The following CLIP1 variants were observed in gnomAD, a reference collection of about 807,000 sequenced individuals.
CLIP1 encodes the protein CAP-Gly domain containing linker protein 1.
Under a neutral mutation model 161.6 loss-of-function variants are expected in CLIP1, and 66 were observed. The observed-to-expected ratio is 0.41, with a 90% CI of 0.33 to 0.50. The LOEUF (loss-of-function observed/expected upper bound fraction) is 0.50, where lower values mean the gene tolerates loss of function less well. Ranked by LOEUF, CLIP1 falls within the 20% of genes least tolerant of loss-of-function variation. The pLI is 0.27. For synonymous variants in CLIP1, 598 were observed against 626.2 expected, an observed-to-expected ratio of 0.96 and a Z score of 0.67; for missense variants, 1,376 against 1,702.0, an observed-to-expected ratio of 0.81 and a Z score of 3.37.
intron 6 of CLIP1, 101 bp from the exon 7 acceptor site, chr12:122,354,657 G>A (rs1953241513): frequency 6.9e-6 from 6 of 870,116 alleles, no homozygotes; most frequent in African/African-American, 3.3e-5. Context: ...GTGGGTGGGC[G>A]TTACTCTAAA....
chr12:122,287,003 A>C (rs1352747735), intron 21 of CLIP1, among the ~76,000 whole-genome samples: 1 of 151,906 alleles, frequency 6.6e-6, no homozygotes, highest in Non-Finnish European at 1.5e-5. Context: ...GCCTCAAAAA[A>C]CAAACAAACA....
At chr12:122,371,212 A>G (rs1387934229) in intron 3 of CLIP1, among the ~76,000 whole-genome samples, 1 of 152,140 alleles carries the variant, frequency 6.6e-6, no homozygotes, top group Non-Finnish European at 1.5e-5. Flanking sequence ...ATCCAGTAAT[A>G]AGACAACACT....
intron 3 of CLIP1, among the ~76,000 whole-genome samples, chr12:122,372,256 A>G (rs898420326): frequency 5.3e-5 from 8 of 152,144 alleles, no homozygotes; most frequent in African/African-American, 1.9e-4. Flanking sequence ...CCCCGTCTCT[A>G]CTAAAAATAC....
chr12:122,347,359 T>C lies in CLIP1; in HGVS notation c.1506+16A>G. 6.4e-7 allele frequency: 1 copy of C among 1,556,468 alleles called. No homozygotes were observed. The highest frequency in any genetic ancestry group is 1.1e-5 in the South Asian group (1 of 89,810). On this transcript the variant is annotated intron_variant, in intron 10 of 25. Coordinates refer to ENST00000620786, the MANE Select transcript of CLIP1 (RefSeq NM_001247997.2). ...ACATGCATGGGTCTGCTTCATTAAA[T>C]AGTGAAAACCATTACCCTAGTGTCT...
At chr12:122,327,330 C>T (rs1951747619) in intron 17 of CLIP1, among the ~76,000 whole-genome samples, 1 of 152,048 alleles carries the variant, frequency 6.6e-6, no homozygotes, top group South Asian at 2.1e-4. Context: ...ATCCTAAAAC[C>T]ATAAAATGAA....
At chr12:122,408,961 A>G (rs573033494) in intron 1 of CLIP1, among the ~76,000 whole-genome samples, 1 of 152,054 alleles carries the variant, frequency 6.6e-6, no homozygotes, top group South Asian at 2.1e-4. Context: ...ACAGGTCTGC[A>G]CAACCATGCC....
intron 5 of CLIP1, among the ~76,000 whole-genome samples, chr12:122,357,508 G>T (rs1409872560): frequency 0.015 from 3 of 198 alleles, no homozygotes; most frequent in Non-Finnish European, 0.037. Context: ...GAGGGAGGTG[G>T]GGGGGGTCAG....
chr12:122,363,553 T>C (rs1206598871), intron 4 of CLIP1, among the ~76,000 whole-genome samples: 2 of 150,814 alleles, frequency 1.3e-5, no homozygotes, highest in Non-Finnish European at 2.9e-5. Context: ...CGCTTGGCGG[T>C]CTGTTCTCCT....
In CLIP1 at chr12:122,271,741, ACTGTTCAGGTG is replaced by A. The variant is rs1240825209; in HGVS notation, c.*1123_*1133del. 1 of 152,634 alleles carries A rather than the reference ACTGTTCAGGTG, an allele frequency of 6.6e-6. No homozygotes were observed. Among genetic ancestry groups the A allele is most frequent in the Non-Finnish European group, 1.5e-5 (1 of 68,044 alleles). 9.5% of individuals were successfully genotyped at this position (152,634 alleles called of 1,614,324 possible). A position where few individuals can be genotyped will look rare whatever the true frequency, so the allele number is the denominator to read the frequency against. On this transcript the variant is annotated 3_prime_UTR_variant, in exon 26 of 26. Transcript: ENST00000620786. ...TAAATAGATTCAAACTGGTCGATAA[ACTGTTCAGGTG>A]CTTTGAGGTCCTTCATTTTCTTTTT...
intron 2 of CLIP1, among the ~76,000 whole-genome samples, chr12:122,379,786 A>G (rs544949587): frequency 6.6e-6 from 1 of 151,612 alleles, no homozygotes; most frequent in East Asian, 1.9e-4. Context: ...TCCACTAAAA[A>G]TACAAAAATA....
At position 122,311,711 on chromosome 12, in the gene CLIP1, C is replaced by A. The variant is rs1951069501; in HGVS notation, c.3474-1829G>T. On this transcript the variant is annotated intron_variant, in intron 19 of 25. Coordinates refer to ENST00000620786, the MANE Select transcript of CLIP1 (RefSeq NM_001247997.2). This position sits in a 1 kb window ranked among gnomAD's most constrained non-coding sequence, Gnocchi z 4.3. ...GTGCTGGGATTACAGGCATGAGCCA[C>A]CGCGCCCGGCCAAAATTATTGTTTT... is the stretch of plus-strand genomic sequence containing the variant. Among the ~76,000 whole-genome samples, 1 of 152,198 alleles carries A rather than the reference C, an allele frequency of 6.6e-6. No homozygotes were observed. Among genetic ancestry groups the A allele is most frequent in the African/African-American group, 2.4e-5 (1 of 41,446 alleles).
chr12:122,385,775 T>C (rs1258566873), intron 1 of CLIP1, among the ~76,000 whole-genome samples: 1 of 152,118 alleles, frequency 6.6e-6, no homozygotes, highest in Non-Finnish European at 1.5e-5. Context: ...TAGTAACATA[T>C]CAGCAGGAAA....
At chr12:122,329,546 C>T (rs1038661128) in intron 15 of CLIP1, among the ~76,000 whole-genome samples, 26 of 151,512 alleles carry the variant, frequency 1.7e-4, no homozygotes, top group Admixed American at 1.2e-3. Flanking sequence ...AAGAGAATGG[C>T]GTGAACCTGG....
chr12:122,319,078 C>G (rs1478054739), intron 18 of CLIP1, among the ~76,000 whole-genome samples, 154 bp downstream of exon 18: 3 of 152,178 alleles, frequency 2.0e-5, no homozygotes, highest in Non-Finnish European at 4.4e-5. Context: ...TGAAGTGATA[C>G]ACTTTATTTA....
chr12:122,360,448 G>A (rs867178614), intron 5 of CLIP1, among the ~76,000 whole-genome samples: 2 of 151,378 alleles, frequency 1.3e-5, no homozygotes, highest in Admixed American at 6.6e-5. Flanking sequence ...TTAACCAGGC[G>A]TGGTGGTGTG....
intron 3 of CLIP1, among the ~76,000 whole-genome samples, chr12:122,366,306 C>CAA (rs11458072): frequency 0.02 from 2,829 of 139,258 alleles, 89 homozygotes; most frequent in African/African-American, 0.069. Flanking sequence ...GACTCTGTCT[C>CAA]AAAAAAAAAA....
In CLIP1 at chr12:122,410,520, G is replaced by A. The variant is rs546081998; in HGVS notation, c.-107+12001C>T. On this transcript the variant is annotated intron_variant, in intron 1 of 25. Transcript: ENST00000620786. The stretch of plus-strand genomic sequence containing the variant: ...GTCACTCAGGCTGGAGTGCAGTGGC[G>A]CAATCTCGGCTCACTGCAACCTCCA... Among the ~76,000 whole-genome samples, 336 of 147,320 alleles carry A rather than the reference G, an allele frequency of 2.3e-3. 3 individuals are homozygous for A. The highest frequency in any genetic ancestry group is 7.8e-3 in the African/African-American group (312 of 39,800).
chr12:122,321,739 G>A (rs1018080927), intron 17 of CLIP1, among the ~76,000 whole-genome samples: 1 of 152,016 alleles, frequency 6.6e-6, no homozygotes, highest in Non-Finnish European at 1.5e-5. Flanking sequence ...GGCTGGTCTC[G>A]AACTCCTAGA....
Position 122,341,537 on chromosome 12 carries a change from T to C in CLIP1, c.1667A>G (p.Gln556Arg). The change falls in exon 11 of 26, where the codon CAA becomes CGA. Residue 556 changes from glutamine (Q) to arginine (R), a missense_variant. Physicochemically the swap from Gln to Arg is conservative, Grantham distance 43 (BLOSUM62 1). Around this residue, in one of 6 missense-constraint regions of CLIP1, gnomAD observed 948 missense variants for 1,134.8 expected, o/e 0.84. Coordinates refer to ENST00000620786, the MANE Select transcript of CLIP1 (RefSeq NM_001247997.2). ...LSLLQEISSLQEKLEVTRTDH... is the reference protein window; with the variant it reads ...LSLLQEISSLREKLEVTRTDH... Reference sequence around the variant, plus strand: ...AGTACGGGTGACTTCTAACTTTTCTTGCAAAGAGCTTATCTCTTGCAAAAG... The same window carrying C: ...AGTACGGGTGACTTCTAACTTTTCTCGCAAAGAGCTTATCTCTTGCAAAAG... The C allele has an allele frequency of 6.2e-7, 1 of 1,614,138 alleles. No homozygotes were observed. Among genetic ancestry groups the C allele is most frequent in the South Asian group, 1.1e-5 (1 of 91,080 alleles).
Sources: gnomAD v4.1 joint callset for allele counts (sites outside exome capture counted in the v4.1 genomes callset) on GRCh38, gnomAD v4.1.1 for gene constraint, gnomAD v4.1.1 regional missense constraint, Gnocchi (gnomAD v3.1) non-coding constraint, MANE v1.5 for transcripts, NCBI Gene and HGNC (gene_info 2026-07-23, HGNC 2026-07-21) for gene names.